Variants in MCM3AP observed in about 807,000 individuals in gnomAD.
The protein encoded by MCM3AP is germinal-center associated nuclear protein.
A neutral mutation model predicts 184.1 loss-of-function variants in MCM3AP; 126 were observed. The observed-to-expected ratio is 0.68, with a 90% CI of 0.59 to 0.79. The LOEUF (loss-of-function observed/expected upper bound fraction) is 0.79, where lower values mean the gene tolerates loss of function less well. MCM3AP is among the 30% of genes least tolerant of loss of function. The pLI is 0.00. For missense variants in MCM3AP, 2,496 were observed against 2,479.2 expected, an observed-to-expected ratio of 1.01 and a Z score of -0.14; for synonymous variants, 1,002 against 979.3, an observed-to-expected ratio of 1.02 and a Z score of -0.43.
chr21:46,257,100 A>C, intron 16 of MCM3AP, 114 bp from the exon 17 acceptor site: 1 of 1,418,386 alleles, frequency 7.1e-7, no homozygotes, highest in Non-Finnish European at 9.5e-7. Flanking sequence ...GAGTGTGGTG[A>C]GCAATGAAAC....
chr21:46,237,100 A>ATTTTTTTTTTTTT (rs10552880), intron 26 of MCM3AP, 121 bp from the exon 27 acceptor site: 1 of 207,234 alleles, frequency 4.8e-6, no homozygotes. Flanking sequence ...ATTTTATATA[A>ATTTTTTTTTTTTT]TTTTTTTTTT....
chr21:46,265,938 G>A lies in MCM3AP; in HGVS notation c.3018C>T (p.Gly1006=), dbSNP rs1455822264. The change falls in exon 11 of 28, where the codon GGC becomes GGT. Residue 1006 remains glycine, a synonymous_variant. Transcript: ENST00000291688. ...AGCTTCACTCACCCACTGTGTCGGA[G>A]CCGGGTCTCTGGGTGCTGACGGGCA... ...AELPVSTQRP[G]SDTVGGGRGE... is the part of the protein sequence containing the mutation. 5 of 1,583,052 alleles carry A rather than the reference G, an allele frequency of 3.2e-6. No homozygotes were observed. Among genetic ancestry groups the A allele is most frequent in the Non-Finnish European group, 4.3e-6 (5 of 1,161,174 alleles).
At chr21:46,249,322 G>C (rs1759089388) in intron 20 of MCM3AP, among the ~76,000 whole-genome samples, 1 of 152,120 alleles carries the variant, frequency 6.6e-6, no homozygotes, top group South Asian at 2.1e-4. Flanking sequence ...CAAGCTACTA[G>C]AACTACAGGC....
In MCM3AP at chr21:46,284,132, C is replaced by T. The variant is rs748019056; in HGVS notation, c.1155G>A (p.Leu385=). Residue 385 remains leucine (L), a synonymous_variant, in exon 1 of 28, where the codon CTG becomes CTA. Transcript: ENST00000291688. ...TCACACCTGGAATCCGGGAAGGTGCCAGGACAGACTGATTCCCTCCTGGGA... is the reference window on the plus strand; with the variant it reads ...TCACACCTGGAATCCGGGAAGGTGCTAGGACAGACTGATTCCCTCCTGGGA... The part of the protein sequence containing the change: ...MAIPGGNQSV[L]APSRIPGVNK... 5 of 1,614,192 alleles carry T rather than the reference C, an allele frequency of 3.1e-6. No homozygotes were observed. The highest frequency in any genetic ancestry group is 4.2e-6 in the Non-Finnish European group (5 of 1,180,032).
At chr21:46,275,875 A>C (rs1019624299) in intron 5 of MCM3AP, among the ~76,000 whole-genome samples, 4 of 152,196 alleles carry the variant, frequency 2.6e-5, no homozygotes, top group Admixed American at 2.6e-4. Flanking sequence ...TATTACACTT[A>C]AGTTACAATG....
intron 16 of MCM3AP, among the ~76,000 whole-genome samples, chr21:46,258,151 T>C (rs1381817691): frequency 6.6e-6 from 1 of 152,014 alleles, no homozygotes; most frequent in Non-Finnish European, 1.5e-5. Context: ...GGACAGAAAG[T>C]CTCTGGATGG....
intron 19 of MCM3AP, chr21:46,254,171 C>T (rs547013866): frequency 1.2e-4 from 69 of 582,418 alleles, no homozygotes; most frequent in African/African-American, 1.0e-3. Flanking sequence ...AGTGTGAGAA[C>T]GGACTAATAC....
chr21:46,256,749 C>A (rs373202903), intron 17 of MCM3AP, 40 bp downstream of exon 17: 74 of 1,530,802 alleles, frequency 4.8e-5, no homozygotes, highest in South Asian at 8.4e-5. Context: ...CAAGTGGGGG[C>A]AGGGGAGCCC....
intron 16 of MCM3AP, among the ~76,000 whole-genome samples, chr21:46,258,633 C>T (rs1199438244): frequency 6.6e-6 from 1 of 152,126 alleles, no homozygotes; most frequent in African/African-American, 2.4e-5. Context: ...TGTCTCCCAG[C>T]ACCTAGTGCA....
At chr21:46,268,693 C>T (rs2081143158) in intron 9 of MCM3AP, among the ~76,000 whole-genome samples, 1 of 152,358 alleles carries the variant, frequency 6.6e-6, no homozygotes, top group South Asian at 2.1e-4. Context: ...CTCTGTGCGC[C>T]ACTGCCGGTG....
rs367649564 is a variant in MCM3AP at position 46,280,886 on chromosome 21, A to G, written c.1444-311T>C. Among the ~76,000 whole-genome samples, 15 of 152,006 alleles carry G rather than the reference A, an allele frequency of 9.9e-5. No individual in the cohort carries two copies. The East Asian group carries it at 1.5e-3, about 16-fold the overall frequency. ...GGTGGTGAGATCTCAGCTTACTGCA[A>G]TCTCCACCTTCAGGGTTCATGCATT... On this transcript the variant is annotated intron_variant, in intron 2 of 27. Transcript: ENST00000291688.
Position 46,284,111 on chromosome 21 carries a change from A to G in MCM3AP, c.1176T>C (p.Gly392=), listed in dbSNP as rs530043351. ...TTTCAGTTTCTTCCTCTTTATTCAC[A>G]CCTGGAATCCGGGAAGGTGCCAGGA... ...QSVLAPSRIP[G]VNKEEETESR... Residue 392 remains glycine, a synonymous_variant, in exon 1 of 28, where the codon GGT becomes GGC. Coordinates refer to ENST00000291688, the MANE Select transcript of MCM3AP (RefSeq NM_003906.5). 9 of 1,613,820 alleles carry G rather than the reference A, an allele frequency of 5.6e-6. No homozygotes were observed. The South Asian group carries it at 9.9e-5, about 18-fold the overall frequency.
In MCM3AP at chr21:46,283,642, C is replaced by CT; in HGVS notation, c.1415dup (p.Leu473AlafsTer8). On this transcript the variant is annotated frameshift_variant, in exon 2 of 28. Transcript: ENST00000291688. LOFTEE classifies it high-confidence loss of function. ...GATCAAAGAAATGTACCACTGCAAGCTTTTTGCTGCGCCTGGTAAAGATGC... is the reference window on the plus strand; with the variant it reads ...GATCAAAGAAATGTACCACTGCAAGCTTTTTTGCTGCGCCTGGTAAAGATGC... The CT allele has an allele frequency of 6.2e-7, 1 of 1,613,942 alleles. No homozygotes were observed. The highest frequency in any genetic ancestry group is 8.5e-7 in the Non-Finnish European group (1 of 1,179,900).
chr21:46,276,390 G>T (rs982341230), intron 5 of MCM3AP, among the ~76,000 whole-genome samples: 22 of 152,028 alleles, frequency 1.4e-4, no homozygotes, highest in Admixed American at 1.4e-3. Flanking sequence ...AGGAAACATG[G>T]TGATTATTCA....
chr21:46,245,275 C>T lies in MCM3AP; in HGVS notation c.4648-78G>A, dbSNP rs1438443943. 8 of 1,409,330 alleles carry T rather than the reference C, an allele frequency of 5.7e-6. No individual in the cohort carries two copies. The Admixed American group carries it at 1.5e-4, about 27-fold the overall frequency. 87.3% of individuals were successfully genotyped at this position (1,409,330 alleles called of 1,614,324 possible). ...AGCTTTCTGAAAGGGCTTGATCCCC[C>T]AAGGTTGCCCACAGCAGGTAATACC... On this transcript the variant is annotated intron_variant, in intron 22 of 27. Coordinates refer to ENST00000291688, the MANE Select transcript of MCM3AP (RefSeq NM_003906.5).
intron 15 of MCM3AP, 95 bp from the exon 16 acceptor site, chr21:46,259,186 T>C: frequency 7.7e-7 from 1 of 1,297,032 alleles, no homozygotes; most frequent in Non-Finnish European, 1.1e-6. Context: ...TCAGGCGCGG[T>C]GGCTCACGCC....
chr21:46,283,111 G>C (rs1422502179), intron 2 of MCM3AP, among the ~76,000 whole-genome samples: 1 of 152,038 alleles, frequency 6.6e-6, no homozygotes, highest in East Asian at 2.0e-4. Flanking sequence ...ATTTTTAGTA[G>C]AGATGGGGTT....
At chr21:46,244,634 T>C in intron 23 of MCM3AP, 173 bp downstream of exon 23, 1 of 709,584 alleles carries the variant, frequency 1.4e-6, no homozygotes, top group East Asian at 2.7e-5. Context: ...TTCTGGCTCA[T>C]GAACCCAAAG....
intron 23 of MCM3AP, chr21:46,244,435 A>T (rs1280078419): frequency 3.9e-6 from 1 of 256,058 alleles, no homozygotes; most frequent in Non-Finnish European, 7.5e-6. Context: ...ACAGGGCTAC[A>T]TGGTCCCCAT....
Sources: allele counts gnomAD v4.1 joint callset (sites outside exome capture counted in the v4.1 genomes callset), GRCh38; gene constraint gnomAD v4.1.1; transcripts MANE v1.5; gene names NCBI Gene and HGNC (gene_info 2026-07-23, HGNC 2026-07-21).